GRAMD1C: variants seen among roughly 807,000 people sequenced by gnomAD.
GRAMD1C encodes the protein GRAM domain containing 1C, also known as protein Aster-C.
A neutral mutation model predicts 97.8 loss-of-function variants in GRAMD1C; 89 were observed. The observed-to-expected ratio is 0.91, with a 90% CI of 0.77 to 1.09. GRAMD1C has a LOEUF of 1.09. GRAMD1C is among the 50% of genes least tolerant of loss of function. The pLI is 0.00. For synonymous variants in GRAMD1C, 256 were observed against 267.0 expected (o/e 0.96, Z 0.40); for missense variants, 740 against 766.4 (o/e 0.97, Z 0.41).
chr3:113,839,183 C>A (rs1450557352), intron 1 of GRAMD1C, among the ~76,000 whole-genome samples: 11 of 152,110 alleles, frequency 7.2e-5, no homozygotes, highest in Non-Finnish European at 1.6e-4. Context: ...AATTTGGTCC[C>A]GAAATGTCCT....
intron 1 of GRAMD1C, among the ~76,000 whole-genome samples, chr3:113,841,684 G>A (rs1370655087): frequency 6.6e-6 from 1 of 151,750 alleles, no homozygotes; most frequent in African/African-American, 2.4e-5. Context: ...TGAGAGTGGT[G>A]GTCCATAGGG....
rs544624797 is a variant in GRAMD1C, at chr3:113,947,056, A to C, written c.*1578A>C. ...TGTATTTTATAACATACTTCAAGGA[A>C]GAGTATCGAAGTAAGTTGCTTTATA... On this transcript the variant is annotated 3_prime_UTR_variant, in exon 18 of 18. Transcript: ENST00000358160. 1.3e-5 allele frequency: 2 copies of C among 152,248 alleles called. No homozygotes were observed. Among genetic ancestry groups the C allele is most frequent in the Admixed American group, 6.5e-5 (1 of 15,292 alleles). 9.4% of individuals were successfully genotyped at this position (152,248 alleles called of 1,614,324 possible).
At chr3:113,930,244 G>C (rs1415076140) in intron 10 of GRAMD1C, among the ~76,000 whole-genome samples, 1 of 152,114 alleles carries the variant, frequency 6.6e-6, no homozygotes, top group African/African-American at 2.4e-5. Context: ...GACATTACAT[G>C]ATTTCTCATA....
intron 6 of GRAMD1C, among the ~76,000 whole-genome samples, chr3:113,895,049 AACTTAGG>A (rs1935883850): frequency 1.3e-5 from 2 of 152,296 alleles, no homozygotes; most frequent in Middle Eastern, 3.4e-3. Flanking sequence ...GTAGGCCAAG[AACTTAGG>A]ACTTAGGACA....
chr3:113,833,808 T>C (rs557477363), upstream of GRAMD1C, among the ~76,000 whole-genome samples: 8 of 152,332 alleles, frequency 5.3e-5, 1 homozygote, highest in East Asian at 1.5e-3. Context: ...GATTTCCAAA[T>C]AAATTGTTTC....
At chr3:113,910,523 C>T (rs1362567529) in intron 9 of GRAMD1C, among the ~76,000 whole-genome samples, 2 of 152,206 alleles carry the variant, frequency 1.3e-5, no homozygotes, top group African/African-American at 4.8e-5. Flanking sequence ...ATGTTTTTCA[C>T]ATTTTGTATT....
At chr3:113,912,920 G>C (rs1341037650) in intron 9 of GRAMD1C, among the ~76,000 whole-genome samples, 1 of 152,116 alleles carries the variant, frequency 6.6e-6, no homozygotes, top group Admixed American at 6.5e-5. Flanking sequence ...ATTACTTGAG[G>C]CTTGTTGTAC....
At chr3:113,836,917 TAC>T (rs904564809), upstream of GRAMD1C, among the ~76,000 whole-genome samples, 7 of 152,188 alleles carry the variant, frequency 4.6e-5, no homozygotes, top group African/African-American at 1.2e-4. Context: ...GTGCTGGGAT[TAC>T]AGGCTTGAGC....
chr3:113,862,986 G>A (rs1469133283), intron 2 of GRAMD1C, among the ~76,000 whole-genome samples: 1 of 152,174 alleles, frequency 6.6e-6, no homozygotes, highest in African/African-American at 2.4e-5. Flanking sequence ...TACATTGCTG[G>A]TGGGAATGTA....
At chr3:113,909,202 G>T in intron 9 of GRAMD1C, 82 bp downstream of exon 9, 1 of 633,748 alleles carries the variant, frequency 1.6e-6, no homozygotes, top group South Asian at 2.9e-5. Flanking sequence ...TGCAGATTGA[G>T]AATTTAGTTT....
intron 6 of GRAMD1C, among the ~76,000 whole-genome samples, chr3:113,893,227 A>G (rs1935805063): frequency 6.6e-6 from 1 of 152,132 alleles, no homozygotes. Flanking sequence ...TTTTTAAAAA[A>G]AAATGCTTGC....
At chr3:113,925,572 G>A (rs372501277) in intron 10 of GRAMD1C, among the ~76,000 whole-genome samples, 49 of 152,274 alleles carry the variant, frequency 3.2e-4, no homozygotes, top group African/African-American at 9.1e-4. Context: ...CATTAAGCCC[G>A]TTTACATTCA....
At chr3:113,905,966 G>T (rs1936357308) in intron 8 of GRAMD1C, among the ~76,000 whole-genome samples, 1 of 152,128 alleles carries the variant, frequency 6.6e-6, no homozygotes, top group African/African-American at 2.4e-5. Flanking sequence ...CAAAGTGCTG[G>T]GATTACAAGT....
chr3:113,856,757 G>A (rs1934146711), intron 2 of GRAMD1C, among the ~76,000 whole-genome samples: 2 of 151,420 alleles, frequency 1.3e-5, no homozygotes, highest in African/African-American at 4.9e-5. Flanking sequence ...CAGGCTGATC[G>A]CAGACTCCTG....
chr3:113,870,927 G>A (rs1337452826), intron 3 of GRAMD1C, among the ~76,000 whole-genome samples: 1 of 145,314 alleles, frequency 6.9e-6, no homozygotes, highest in Non-Finnish European at 1.5e-5. Flanking sequence ...GACCAGCCTG[G>A]GCAACAAAGC....
intron 3 of GRAMD1C, among the ~76,000 whole-genome samples, chr3:113,872,445 A>G (rs1449199021): frequency 7.6e-6 from 1 of 131,576 alleles, no homozygotes; most frequent in Non-Finnish European, 1.5e-5. Flanking sequence ...CCCAGACTGG[A>G]GTGCAGTGGT....
At chr3:113,918,809 C>T (rs2107345954) in intron 10 of GRAMD1C, among the ~76,000 whole-genome samples, 1 of 152,300 alleles carries the variant, frequency 6.6e-6, no homozygotes, top group East Asian at 1.9e-4. Flanking sequence ...GATCCTCCTA[C>T]CTCAGCCTCA....
At chr3:113,922,667 T>C (rs1359734329) in intron 10 of GRAMD1C, among the ~76,000 whole-genome samples, 3 of 152,230 alleles carry the variant, frequency 2.0e-5, no homozygotes, top group Non-Finnish European at 2.9e-5. Context: ...CATGCTGTTT[T>C]GGTTACGGTT....
chr3:113,923,042 G>A (rs748965886), intron 10 of GRAMD1C, among the ~76,000 whole-genome samples: 1 of 151,406 alleles, frequency 6.6e-6, no homozygotes, highest in Non-Finnish European at 1.5e-5. Flanking sequence ...TTGCTATAAC[G>A]AATGGGATTG....
Sources: allele counts gnomAD v4.1 joint callset (sites outside exome capture counted in the v4.1 genomes callset), GRCh38; gene constraint gnomAD v4.1.1; transcripts MANE v1.5; gene names NCBI Gene and HGNC (gene_info 2026-07-23, HGNC 2026-07-21).